GRIN2B: variants seen among roughly 807,000 people sequenced by gnomAD.
GRIN2B encodes the protein glutamate receptor ionotropic, NMDA 2B.
A neutral mutation model predicts 114.5 loss-of-function variants in GRIN2B; 5 were observed. The ratio of observed to expected loss-of-function variants is 0.04; its 90% CI spans 0.02 to 0.09. The LOEUF (loss-of-function observed/expected upper bound fraction) is 0.09, where lower values mean the gene tolerates loss of function less well. Among genes scored for constraint, GRIN2B ranks in the 10% least tolerant of loss-of-function variants. The probability of loss-of-function intolerance (pLI) is 1.00; values close to 1 mark genes in which losing one functional copy is unlikely to be tolerated. For synonymous variants in GRIN2B, 787 were observed against 745.1 expected (o/e 1.06, Z -0.92); for missense variants, 1,108 against 1,943.5 (o/e 0.57, Z 8.08).
At chr12:13,865,627 T>C (rs534446067) in intron 3 of GRIN2B, among the ~76,000 whole-genome samples, 171 bp downstream of exon 3, 4 of 151,992 alleles carry the variant, frequency 2.6e-5, no homozygotes, top group Admixed American at 6.6e-5. Flanking sequence ...AGCAAAACTC[T>C]GTCTCAAAGA....
intron 3 of GRIN2B, among the ~76,000 whole-genome samples, chr12:13,799,628 T>A (rs1230901985): frequency 6.6e-6 from 1 of 152,134 alleles, no homozygotes; most frequent in African/African-American, 2.4e-5. Context: ...CAAGAGGCAC[T>A]GCTGTGCCAT....
intron 2 of GRIN2B, among the ~76,000 whole-genome samples, chr12:13,915,229 T>C (rs906033318): frequency 4.6e-5 from 7 of 152,092 alleles, no homozygotes; most frequent in Non-Finnish European, 1.0e-4. Flanking sequence ...ATCTTAGAGG[T>C]TGAAATAAGG....
chr12:13,919,802 G>A (rs1866793534), intron 2 of GRIN2B, among the ~76,000 whole-genome samples: 1 of 152,120 alleles, frequency 6.6e-6, no homozygotes, highest in Admixed American at 6.5e-5. Flanking sequence ...GAACACTGAT[G>A]GGAATGTGGG....
chr12:13,648,064 G>T (rs1349840144), intron 5 of GRIN2B, among the ~76,000 whole-genome samples: 1 of 152,046 alleles, frequency 6.6e-6, no homozygotes, highest in Non-Finnish European at 1.5e-5. Flanking sequence ...GACCAAATTG[G>T]ACTGTATTAT....
chr12:13,590,482 C>T (rs1441973099), intron 10 of GRIN2B, among the ~76,000 whole-genome samples: 2 of 152,112 alleles, frequency 1.3e-5, no homozygotes, highest in South Asian at 2.1e-4. Context: ...AATGAGAACA[C>T]GTGGTGTTTG....
intron 2 of GRIN2B, among the ~76,000 whole-genome samples, chr12:13,883,729 C>A (rs1866104145): frequency 6.6e-6 from 1 of 151,888 alleles, no homozygotes. Context: ...TATTTTCTCC[C>A]ATTTTGTGGC....
intron 3 of GRIN2B, among the ~76,000 whole-genome samples, chr12:13,771,217 T>A (rs1863902323): frequency 6.6e-6 from 1 of 152,184 alleles, no homozygotes; most frequent in Non-Finnish European, 1.5e-5. Flanking sequence ...ATGTAAGACA[T>A]GCCTTGCTTC....
At chr12:13,858,903 T>C (rs1261966365) in intron 3 of GRIN2B, among the ~76,000 whole-genome samples, 1 of 152,210 alleles carries the variant, frequency 6.6e-6, no homozygotes, top group Non-Finnish European at 1.5e-5. Flanking sequence ...CTGTTGTTTA[T>C]CCACCATGTC....
At chr12:13,828,861 C>T (rs1048489478) in intron 3 of GRIN2B, among the ~76,000 whole-genome samples, 1 of 152,162 alleles carries the variant, frequency 6.6e-6, no homozygotes, top group African/African-American at 2.4e-5. Flanking sequence ...CCTTCAGTGG[C>T]TTCATATTAC....
intron 3 of GRIN2B, among the ~76,000 whole-genome samples, chr12:13,818,692 T>C (rs983307747): frequency 2.6e-5 from 4 of 152,198 alleles, no homozygotes; most frequent in African/African-American, 9.6e-5. Flanking sequence ...AGAACATCCA[T>C]TCTCTTAAGA....
intron 10 of GRIN2B, among the ~76,000 whole-genome samples, chr12:13,599,210 A>T (rs542983683): frequency 3.3e-5 from 5 of 152,278 alleles, no homozygotes; most frequent in African/African-American, 1.2e-4. Context: ...GGAAATCTCG[A>T]TGTGGAATCG....
chr12:13,952,549 G>T (rs920985921), intron 2 of GRIN2B, among the ~76,000 whole-genome samples: 5 of 152,080 alleles, frequency 3.3e-5, no homozygotes, highest in Admixed American at 2.6e-4. Context: ...GCATTCCTCC[G>T]GTGAGAACCT....
chr12:13,820,584 T>A (rs563253717), intron 3 of GRIN2B, among the ~76,000 whole-genome samples: 1 of 152,304 alleles, frequency 6.6e-6, no homozygotes, highest in South Asian at 2.1e-4. Flanking sequence ...TTACTACAGT[T>A]TGAGCTTGTT....
intron 2 of GRIN2B, among the ~76,000 whole-genome samples, chr12:13,949,587 T>C (rs1288319395): frequency 6.6e-6 from 1 of 152,020 alleles, no homozygotes; most frequent in Non-Finnish European, 1.5e-5. Flanking sequence ...ATGATCAATA[T>C]AACATCTACA....
chr12:13,895,475 A>G (rs1042251246), intron 2 of GRIN2B, among the ~76,000 whole-genome samples: 1 of 152,188 alleles, frequency 6.6e-6, no homozygotes, highest in African/African-American at 2.4e-5. Flanking sequence ...GGTCACTAAT[A>G]TCTCAATTAG....
At chr12:13,739,289 C>T (rs374358984) in intron 4 of GRIN2B, among the ~76,000 whole-genome samples, 4 of 135,224 alleles carry the variant, frequency 3.0e-5, no homozygotes, top group Admixed American at 8.6e-5. Flanking sequence ...GCAGGAGAAT[C>T]GCTGAACCTA....
chr12:13,779,256 C>T (rs1010754303), intron 3 of GRIN2B, among the ~76,000 whole-genome samples: 3 of 152,130 alleles, frequency 2.0e-5, no homozygotes, highest in African/African-American at 7.2e-5. Flanking sequence ...GTTGTCCAGG[C>T]TGGTCTTGAA....
chr12:13,601,124 A>G (rs1949152166), intron 10 of GRIN2B, among the ~76,000 whole-genome samples: 1 of 152,238 alleles, frequency 6.6e-6, no homozygotes, highest in Admixed American at 6.5e-5. Flanking sequence ...CTCAAAGTGC[A>G]GATTACAGAA....
chr12:13,811,906 G>A (rs1449310809), intron 3 of GRIN2B, among the ~76,000 whole-genome samples: 1 of 152,186 alleles, frequency 6.6e-6, no homozygotes, highest in Non-Finnish European at 1.5e-5. Context: ...ACAAAGCTCA[G>A]GGTTTATGAA....
Sources: allele counts gnomAD v4.1 joint callset (sites outside exome capture counted in the v4.1 genomes callset), GRCh38; gene constraint gnomAD v4.1.1; transcripts MANE v1.5; gene names NCBI Gene and HGNC (gene_info 2026-07-23, HGNC 2026-07-21).